PTPRD: variants seen among roughly 807,000 people sequenced by gnomAD.
PTPRD encodes protein tyrosine phosphatase receptor type D.
In PTPRD, 34 loss-of-function variants were observed where a neutral mutation model predicts 214.5. The observed-to-expected ratio is 0.16, with a 90% CI of 0.12 to 0.21. The LOEUF is 0.21. PTPRD is among the 10% of genes least tolerant of loss of function. PTPRD has a pLI of 1.00. For missense variants in PTPRD, 2,545 were observed against 2,398.7 expected, an observed-to-expected ratio of 1.06 and a Z score of -1.27; for synonymous variants, 1,128 against 845.7, an observed-to-expected ratio of 1.33 and a Z score of -5.79.
At chr9:10,356,288 G>C (rs894486380) in intron 2 of PTPRD, among the ~76,000 whole-genome samples, 6 of 152,078 alleles carry the variant, frequency 3.9e-5, no homozygotes, top group African/African-American at 1.4e-4. Flanking sequence ...GGAATTGTCT[G>C]TTCCATGCTG....
chr9:8,998,087 A>G (rs2099403912), intron 11 of PTPRD, among the ~76,000 whole-genome samples: 1 of 152,138 alleles, frequency 6.6e-6, no homozygotes, highest in African/African-American at 2.4e-5. Context: ...TGCAAGGTAA[A>G]GCAGCAAGTG....
At position 8,439,935 on chromosome 9, in the gene PTPRD, A is replaced by ATTTTTTTTTTTT. The variant is rs1166530719; in HGVS notation, c.3989-3258_3989-3247dup. On this transcript the variant is annotated intron_variant, in intron 34 of 45. Transcript: ENST00000381196. ...CATTTAAATTACTTGATGTGCTTTA[A>ATTTTTTTTTTTT]TTTTTTTTTTTTTTTTTTTTTTTTT... Among the ~76,000 whole-genome samples, 367 of 73,300 alleles carry ATTTTTTTTTTTT rather than the reference A, an allele frequency of 5.0e-3. 36 individuals are homozygous for ATTTTTTTTTTTT. Among genetic ancestry groups the ATTTTTTTTTTTT allele is most frequent in the Non-Finnish European group, 7.1e-3 (286 of 40,496 alleles). 48.1% of individuals were successfully genotyped at this position (73,300 alleles called of 152,430 possible). A position where few individuals can be genotyped will look rare whatever the true frequency, so the allele number is the denominator to read the frequency against.
intron 11 of PTPRD, among the ~76,000 whole-genome samples, chr9:8,831,302 C>T (rs1472339740): frequency 6.6e-6 from 1 of 152,090 alleles, no homozygotes; most frequent in Admixed American, 6.6e-5. Flanking sequence ...AGGAGAATGT[C>T]AAGAAATGTT....
chr9:8,905,213 C>A (rs954979750), intron 11 of PTPRD, among the ~76,000 whole-genome samples: 1 of 152,016 alleles, frequency 6.6e-6, no homozygotes, highest in Non-Finnish European at 1.5e-5. Context: ...TCAAGCAGTT[C>A]CAAAGTAAAG....
At chr9:10,309,883 A>G (rs1460830389) in intron 3 of PTPRD, among the ~76,000 whole-genome samples, 1 of 152,082 alleles carries the variant, frequency 6.6e-6, no homozygotes, top group Non-Finnish European at 1.5e-5. Context: ...TTTGGACAAC[A>G]TTTGTGTTAG....
At chr9:10,194,333 T>A (rs2099387461) in intron 3 of PTPRD, among the ~76,000 whole-genome samples, 1 of 63,362 alleles carries the variant, frequency 1.6e-5, no homozygotes, top group African/African-American at 6.2e-5. Flanking sequence ...TATATATATA[T>A]ATATATATAT....
intron 5 of PTPRD, among the ~76,000 whole-genome samples, chr9:9,900,223 G>A (rs1463913819): frequency 6.6e-6 from 1 of 152,102 alleles, no homozygotes. Flanking sequence ...TTAAATAAAA[G>A]TTCCAACTTT....
intron 8 of PTPRD, among the ~76,000 whole-genome samples, chr9:9,546,651 T>G (rs2078874899): frequency 6.6e-6 from 1 of 151,878 alleles, no homozygotes; most frequent in Admixed American, 6.6e-5. Context: ...AATTTAAAAG[T>G]GTTCCTCTTA....
intron 10 of PTPRD, among the ~76,000 whole-genome samples, chr9:9,154,533 C>A (rs1457211156): frequency 6.6e-6 from 1 of 152,118 alleles, no homozygotes; most frequent in Non-Finnish European, 1.5e-5. Context: ...AATCAAGGCT[C>A]CACCATTACG....
intron 2 of PTPRD, among the ~76,000 whole-genome samples, chr9:10,540,144 C>T (rs564319217): frequency 1.3e-5 from 2 of 152,220 alleles, no homozygotes; most frequent in Admixed American, 6.5e-5. Flanking sequence ...ATTCTCCTCC[C>T]TCAGCCTCCA....
chr9:9,927,245 G>A (rs2084649557), intron 5 of PTPRD, among the ~76,000 whole-genome samples: 1 of 152,104 alleles, frequency 6.6e-6, no homozygotes, highest in Non-Finnish European at 1.5e-5. Context: ...GGAGGAGCAT[G>A]AAATAAAGAA....
chr9:9,292,222 A>T (rs972499083), intron 9 of PTPRD, among the ~76,000 whole-genome samples: 11 of 151,088 alleles, frequency 7.3e-5, no homozygotes, highest in African/African-American at 2.7e-4. Flanking sequence ...ATATCATCTC[A>T]TTCACTTGAA....
At chr9:9,942,473 G>A (rs888033868) in intron 4 of PTPRD, among the ~76,000 whole-genome samples, 9 of 152,000 alleles carry the variant, frequency 5.9e-5, no homozygotes, top group Non-Finnish European at 1.3e-4. Context: ...GCATCAATTT[G>A]TATATAAGAT....
rs2099511718 is a variant in PTPRD at position 10,210,698 on chromosome 9, C to T, written c.-545+130265G>A. On this transcript the variant is annotated intron_variant, in intron 3 of 45. Transcript: ENST00000381196. The stretch of plus-strand genomic sequence containing the variant: ...ATATGTTTATATATATTTCCATATA[C>T]ATAATACAAGAAGTTGTTTGATTTT... Among the ~76,000 whole-genome samples, 4 of 146,812 alleles carry T rather than the reference C, an allele frequency of 2.7e-5. 1 individual carries two copies. The Admixed American group carries it at 2.8e-4, about 10-fold the overall frequency.
chr9:10,421,581 C>T (rs1309982973), intron 2 of PTPRD, among the ~76,000 whole-genome samples: 2 of 151,736 alleles, frequency 1.3e-5, no homozygotes, highest in Non-Finnish European at 2.9e-5. Context: ...ATTTTATGAA[C>T]GTGGTCCAGT....
At chr9:8,449,251 C>G (rs1183980002) in intron 34 of PTPRD, among the ~76,000 whole-genome samples, 1 of 151,980 alleles carries the variant, frequency 6.6e-6, no homozygotes, top group Non-Finnish European at 1.5e-5. Context: ...ATTTTCCTCC[C>G]TCCCTCCCTC....
At chr9:10,256,009 A>G (rs1442321271) in intron 3 of PTPRD, among the ~76,000 whole-genome samples, 1 of 152,200 alleles carries the variant, frequency 6.6e-6, no homozygotes, top group Non-Finnish European at 1.5e-5. Context: ...ACCTCCTGTC[A>G]GTTCAGCAGC....
chr9:9,921,967 C>T (rs75697511), intron 5 of PTPRD, among the ~76,000 whole-genome samples: 3 of 151,976 alleles, frequency 2.0e-5, no homozygotes, highest in East Asian at 1.9e-4. Context: ...CAAGCAGTGT[C>T]GTTGTAAAGT....
intron 10 of PTPRD, among the ~76,000 whole-genome samples, chr9:9,034,846 A>T (rs2099616532): frequency 6.6e-6 from 1 of 152,158 alleles, no homozygotes; most frequent in Non-Finnish European, 1.5e-5. Context: ...AATGAATGCT[A>T]CTTATTAATA....
Sources: gnomAD v4.1 joint callset for allele counts (sites outside exome capture counted in the v4.1 genomes callset) on GRCh38, gnomAD v4.1.1 for gene constraint, MANE v1.5 for transcripts, NCBI Gene and HGNC (gene_info 2026-07-23, HGNC 2026-07-21) for gene names.